The following CRHR2 variants were observed in gnomAD, a reference collection of about 807,000 sequenced individuals.
CRHR2 encodes the protein corticotropin releasing hormone receptor 2.
CRHR2 carries 53 observed loss-of-function variants against 57.9 expected under a neutral mutation model. That is an observed-to-expected ratio of 0.92 (90% confidence interval 0.73 to 1.15). The LOEUF (loss-of-function observed/expected upper bound fraction) is 1.15. CRHR2 is among the 50% of genes most tolerant of loss of function. CRHR2 has a pLI of 0.00. For synonymous variants in CRHR2, 213 were observed against 220.9 expected, an observed-to-expected ratio of 0.96 and a Z score of 0.32; for missense variants, 532 against 542.6, an observed-to-expected ratio of 0.98 and a Z score of 0.19.
upstream of CRHR2, among the ~76,000 whole-genome samples, chr7:30,687,299 G>A (rs2128150210): frequency 6.6e-6 from 1 of 152,234 alleles, no homozygotes; most frequent in East Asian, 1.9e-4. Context: ...CATGTGGGGT[G>A]ATGCATCCCC....
rs746319940 is a variant in CRHR2, at chr7:30,653,642, C to T, written c.1096-42G>A. ...GGCTCAGCTGGCTCCCAGGGACCAA[C>T]CCTGGGCTTCTGGGACCATCCCCTC... is the stretch of plus-strand genomic sequence containing the variant. On this transcript the variant is annotated intron_variant, in intron 11 of 11. Coordinates refer to ENST00000471646, the MANE Select transcript of CRHR2 (RefSeq NM_001883.5). This position sits in a 1 kb window ranked among gnomAD's most constrained non-coding sequence, Gnocchi z 5.0. 2 of 1,565,378 alleles carry T rather than the reference C, an allele frequency of 1.3e-6. No homozygotes were observed. The highest frequency in any genetic ancestry group is 1.7e-6 in the Non-Finnish European group (2 of 1,161,472).
rs745850340 is a variant in CRHR2, at chr7:30,655,619, G to A, written c.1014C>T (p.Ile338=). Residue 338 remains isoleucine (I), a synonymous_variant, in exon 10 of 12, where the codon ATC becomes ATT. Transcript: ENST00000471646. ...VNPGEDDLSQ[I]MFIYFNSFLQ... is the part of the protein sequence containing the mutation. Reference sequence around the variant, plus strand: ...GGAAGGAGTTGAAATAGATGAACATGATCTGTGACAGGTCGTCCTCCCCGG... The same window carrying A: ...GGAAGGAGTTGAAATAGATGAACATAATCTGTGACAGGTCGTCCTCCCCGG... The A allele has an allele frequency of 1.2e-6, 2 of 1,614,134 alleles. No homozygotes were observed. Among genetic ancestry groups the A allele is most frequent in the Non-Finnish European group, 1.7e-6 (2 of 1,179,978 alleles).
Position 30,682,173 on chromosome 7 carries a change from C to T in CRHR2, c.103+5G>A, listed in dbSNP as rs765558748. 1 of 1,568,546 alleles carries T rather than the reference C, an allele frequency of 6.4e-7. No homozygotes were observed. The highest frequency in any genetic ancestry group is 1.8e-5 in the Admixed American group (1 of 55,478). ...GCAGCCTCCGACCGCTCGCCTCCCGCCTACCCTCGGGGTCCAGGGGTGGCC... is the reference window on the plus strand; with the variant it reads ...GCAGCCTCCGACCGCTCGCCTCCCGTCTACCCTCGGGGTCCAGGGGTGGCC... On this transcript the variant is annotated splice_donor_5th_base_variant and intron_variant, in intron 1 of 11. Transcript: ENST00000471646.
chr7:30,668,085 A>G lies in CRHR2; in HGVS notation c.230-772T>C, dbSNP rs576411670. ...AGATGTTTCTAAATGTTCAAGAACC[A>G]GCCTCTGTATTTAAGTTGGAACATG... On this transcript the variant is annotated intron_variant, in intron 2 of 11. Transcript: ENST00000471646. Among the ~76,000 whole-genome samples the G allele has an allele frequency of 5.2e-5, 8 of 152,396 alleles. No homozygotes were observed. In the South Asian group the frequency reaches 1.5e-3, roughly 28 times the overall value.
chr7:30,693,850 T>C (rs1785004541), intron 1 of CRHR2, among the ~76,000 whole-genome samples: 1 of 152,198 alleles, frequency 6.6e-6, no homozygotes, highest in Non-Finnish European at 1.5e-5. Flanking sequence ...AATCCACACT[T>C]TTGGTGTCAG....
intron 2 of CRHR2, among the ~76,000 whole-genome samples, chr7:30,677,522 G>A (rs2128146676): frequency 6.6e-6 from 1 of 152,310 alleles, no homozygotes; most frequent in East Asian, 1.9e-4. Flanking sequence ...ATTTAGGATT[G>A]TTTCTAGCCA....
chr7:30,665,290 T>C lies in CRHR2; in HGVS notation c.426-103A>G. 1 of 1,049,032 alleles carries C rather than the reference T, an allele frequency of 9.5e-7. No individual in the cohort carries two copies. Among genetic ancestry groups the C allele is most frequent in the South Asian group, 1.4e-5 (1 of 71,380 alleles). 65.0% of individuals were successfully genotyped at this position (1,049,032 alleles called of 1,614,324 possible). A position where few individuals can be genotyped will look rare whatever the true frequency, so the allele number is the denominator to read the frequency against. On this transcript the variant is annotated intron_variant, in intron 4 of 11. Transcript: ENST00000471646. The surrounding 1 kb of genome is among the most constrained non-coding windows in gnomAD (Gnocchi z 4.5). ...ACTCAGCCTGGGATGAGGGCAGGGC[T>C]GCACTAGGAGCCACTTCCCACCCAT...
At chr7:30,664,918 G>T in intron 5 of CRHR2, 152 bp downstream of exon 5, 1 of 646,726 alleles carries the variant, frequency 1.5e-6, no homozygotes, top group East Asian at 2.7e-5. Flanking sequence ...GAGCTTGTAA[G>T]AGTAAAAGCT....
intron 2 of CRHR2, among the ~76,000 whole-genome samples, chr7:30,673,016 A>C (rs924534301): frequency 6.6e-6 from 1 of 152,210 alleles, no homozygotes; most frequent in African/African-American, 2.4e-5. Context: ...AGATGCAGCC[A>C]GTTATGCCAC....
In CRHR2 at chr7:30,652,671, T is replaced by G. The variant is rs1584071985; in HGVS notation, c.*789A>C. 1.3e-5 allele frequency: 2 copies of G among 152,470 alleles called. No individual in the cohort carries two copies. Among genetic ancestry groups the G allele is most frequent in the East Asian group, 3.9e-4 (2 of 5,172 alleles). 9.4% of individuals were successfully genotyped at this position (152,470 alleles called of 1,614,324 possible). ...AAGGGCAATGGGGTATGAGTTTCAA[T>G]CACTGAAGACATGGTTGGTTTCTGC... On this transcript the variant is annotated 3_prime_UTR_variant, in exon 12 of 12. Transcript: ENST00000471646. The surrounding 1 kb of genome is among the most constrained non-coding windows in gnomAD (Gnocchi z 4.4).
chr7:30,657,418 C>T (rs1783829762), intron 8 of CRHR2, among the ~76,000 whole-genome samples: 1 of 152,176 alleles, frequency 6.6e-6, no homozygotes, highest in African/African-American at 2.4e-5. Context: ...CTGATACCCC[C>T]AGCTTTCTCC....
intron 2 of CRHR2, among the ~76,000 whole-genome samples, chr7:30,681,332 G>A (rs986857032): frequency 1.3e-5 from 2 of 152,208 alleles, no homozygotes; most frequent in African/African-American, 4.8e-5. Flanking sequence ...CAGCAGGTCA[G>A]TCCTGGGACC....
In CRHR2 at chr7:30,681,994, G is replaced by C. The variant is rs776407304; in HGVS notation, c.150C>G (p.Cys50Trp). Residue 50 changes from cysteine to tryptophan, a missense_variant, in exon 2 of 12, where the codon TGC becomes TGG. By Grantham distance (215) the Cys-to-Trp change is radical. Transcript: ENST00000471646. ...GGGCTCCGGCAGCGCTGCGGGGCCA[G>C]CACGTTCCGATCTGGTCCAAGGTCG... ...CNTTLDQIGT[C>W]WPRSAAGALV... is the part of the protein sequence containing the mutation. 6.2e-7 allele frequency: 1 copy of C among 1,607,288 alleles called. No homozygotes were observed. The highest frequency in any genetic ancestry group is 8.5e-7 in the Non-Finnish European group (1 of 1,177,408).
chr7:30,692,214 CTAGT>C (rs1169283952), intron 1 of CRHR2, among the ~76,000 whole-genome samples: 1 of 152,176 alleles, frequency 6.6e-6, no homozygotes, highest in African/African-American at 2.4e-5. Flanking sequence ...TAGGAGGGGG[CTAGT>C]TAGAGAGCTC....
At chr7:30,676,336 A>C (rs572259685) in intron 2 of CRHR2, among the ~76,000 whole-genome samples, 1 of 152,126 alleles carries the variant, frequency 6.6e-6, no homozygotes, top group Non-Finnish European at 1.5e-5. Flanking sequence ...GTTCTCACAC[A>C]TGGAGTAACT....
In CRHR2 at chr7:30,656,152, C is replaced by A; in HGVS notation, c.832-140G>T. 1.4e-6 allele frequency: 1 copy of A among 738,672 alleles called. No homozygotes were observed. The highest frequency in any genetic ancestry group is 2.3e-6 in the Non-Finnish European group (1 of 432,526). The allele number at this position is 738,672 out of a possible 1,614,324, so 45.8% of individuals were successfully genotyped here. A position where few individuals can be genotyped will look rare whatever the true frequency, so the allele number is the denominator to read the frequency against. ...ACCTATCCTACCTGTCCCCCTAGCACCTGCCAGCATCCCAAGGCCTGTGCT... is the reference window on the plus strand; with the variant it reads ...ACCTATCCTACCTGTCCCCCTAGCAACTGCCAGCATCCCAAGGCCTGTGCT... On this transcript the variant is annotated intron_variant, in intron 8 of 11. Coordinates refer to ENST00000471646, the MANE Select transcript of CRHR2 (RefSeq NM_001883.5). This position sits in a 1 kb window ranked among gnomAD's most constrained non-coding sequence, Gnocchi z 4.4.
chr7:30,681,800 C>T (rs1784715908), intron 2 of CRHR2, 115 bp downstream of exon 2: 1 of 1,417,794 alleles, frequency 7.1e-7, no homozygotes, highest in South Asian at 1.6e-5. Context: ...CCGCGGTCCG[C>T]GGTACCGCGG....
At chr7:30,666,586 G>T (rs1784190929) in intron 3 of CRHR2, among the ~76,000 whole-genome samples, 1 of 152,198 alleles carries the variant, frequency 6.6e-6, no homozygotes, top group African/African-American at 2.4e-5. Context: ...CTTTCTCAGG[G>T]CGGGTGAATG....
chr7:30,700,084 G>A (rs1785143101), exon 1 of CRHR2: 2 of 1,263,660 alleles, frequency 1.6e-6, no homozygotes, highest in Admixed American at 3.9e-5. Context: ...CAGCACGGTG[G>A]TCACACCCTG....
Sources: allele counts gnomAD v4.1 joint callset (sites outside exome capture counted in the v4.1 genomes callset), GRCh38; gene constraint gnomAD v4.1.1; non-coding constraint Gnocchi (gnomAD v3.1); transcripts MANE v1.5; gene names NCBI Gene and HGNC (gene_info 2026-07-23, HGNC 2026-07-21).